Variants in TMEM232 observed in about 807,000 individuals in gnomAD.
The protein encoded by TMEM232 is transmembrane protein 232.
A neutral mutation model predicts 78.8 loss-of-function variants in TMEM232; 80 were observed. The observed-to-expected ratio is 1.01, with a 90% confidence interval of 0.85 to 1.22. TMEM232 has a LOEUF of 1.22. Ranked by LOEUF, TMEM232 falls within the 50% of genes most tolerant of loss-of-function variation. The probability of loss-of-function intolerance (pLI) is 0.00; values close to 1 mark genes in which losing one functional copy is unlikely to be tolerated. For synonymous variants in TMEM232, 297 were observed against 254.3 expected, an observed-to-expected ratio of 1.17 and a Z score of -1.60; for missense variants, 881 against 742.2, an observed-to-expected ratio of 1.19 and a Z score of -2.17.
intron 12 of TMEM232, among the ~76,000 whole-genome samples, chr5:110,516,486 G>A (rs573745493): frequency 1.3e-5 from 2 of 152,114 alleles, no homozygotes; most frequent in East Asian, 1.9e-4. Context: ...ACTTGAGATC[G>A]TTTTACTGAC....
Position 110,696,753 on chromosome 5 carries a change from G to A in TMEM232, c.-12-29389C>T, listed in dbSNP as rs1424758544. On this transcript the variant is annotated intron_variant, in intron 1 of 13. Transcript: ENST00000455884. The stretch of plus-strand genomic sequence containing the variant: ...AATCCAACTTATAAGGGATGGGAAG[G>A]ACCTCTTCAAGGAGAACTACAAACC... 2.7e-5 allele frequency among the ~76,000 whole-genome samples: 4 copies of A among 150,794 alleles called. No homozygotes were observed. The Admixed American group carries it at 2.7e-4, about 10-fold the overall frequency.
intron 1 of TMEM232, among the ~76,000 whole-genome samples, chr5:110,713,124 G>T (rs748211933): frequency 8.6e-5 from 13 of 151,332 alleles, no homozygotes; most frequent in Non-Finnish European, 1.3e-4. Flanking sequence ...TAGTCATTAT[G>T]TTAAGAGAAA....
intron 1 of TMEM232, among the ~76,000 whole-genome samples, chr5:110,676,138 T>C (rs1791995190): frequency 6.6e-6 from 1 of 152,252 alleles, no homozygotes; most frequent in Non-Finnish European, 1.5e-5. Flanking sequence ...TCATTAGGTA[T>C]ATATACTACA....
intron 11 of TMEM232, among the ~76,000 whole-genome samples, chr5:110,542,061 A>G (rs923467012): frequency 6.6e-6 from 1 of 152,154 alleles, no homozygotes; most frequent in African/African-American, 2.4e-5. Context: ...TTCAAGGATC[A>G]TGTCTGCGAT....
intron 12 of TMEM232, among the ~76,000 whole-genome samples, chr5:110,462,713 C>G (rs1235340942): frequency 6.6e-6 from 1 of 152,080 alleles, no homozygotes; most frequent in Non-Finnish European, 1.5e-5. Flanking sequence ...TAATATGAGT[C>G]AATACTCCTG....
chr5:110,526,477 T>A (rs1425310619), intron 12 of TMEM232, among the ~76,000 whole-genome samples: 2 of 151,752 alleles, frequency 1.3e-5, no homozygotes, highest in East Asian at 3.9e-4. Context: ...CTTAAGAAAA[T>A]TAAAATGCTA....
chr5:110,623,178 A>T (rs1198257932), intron 7 of TMEM232, among the ~76,000 whole-genome samples: 1 of 150,298 alleles, frequency 6.7e-6, no homozygotes, highest in Non-Finnish European at 1.5e-5. Flanking sequence ...AAAAAGAGAA[A>T]TGGGGTCCAA....
chr5:110,648,179 T>G (rs1787780376), intron 2 of TMEM232, among the ~76,000 whole-genome samples: 2 of 152,046 alleles, frequency 1.3e-5, no homozygotes, highest in African/African-American at 4.8e-5. Flanking sequence ...ATAGGGAAAT[T>G]CAAATTAAAA....
intron 12 of TMEM232, among the ~76,000 whole-genome samples, chr5:110,463,949 C>T (rs183721360): frequency 1.3e-5 from 2 of 152,308 alleles, no homozygotes; most frequent in Non-Finnish European, 2.9e-5. Flanking sequence ...GCCTTTGTGC[C>T]TCCTATTTGA....
chr5:110,390,046 C>T (rs1755124300), intron 4 of TMEM232, among the ~76,000 whole-genome samples: 1 of 152,144 alleles, frequency 6.6e-6, no homozygotes, highest in South Asian at 2.1e-4. Context: ...CAGAATTTTA[C>T]CTCCTGACTT....
chr5:110,581,559 A>C (rs1180301356), intron 10 of TMEM232, among the ~76,000 whole-genome samples: 1 of 151,990 alleles, frequency 6.6e-6, no homozygotes, highest in African/African-American at 2.4e-5. Context: ...CAAACTATAA[A>C]AATCCTAGAA....
Position 110,419,837 on chromosome 5 carries a change from G to A in TMEM232, c.*743C>T, listed in dbSNP as rs1419977253. ...CTCCACCCTATTACTCTTACTCATA[G>A]GTTCAGAACTTCAGATGAAGTGAAG... On this transcript the variant is annotated 3_prime_UTR_variant, in exon 14 of 14. Coordinates refer to ENST00000455884, the MANE Select transcript of TMEM232 (RefSeq NM_001039763.4). 6.6e-6 allele frequency among the ~76,000 whole-genome samples: 1 copy of A among 152,096 alleles called. No individual in the cohort carries two copies. Among genetic ancestry groups the A allele is most frequent in the East Asian group, 1.9e-4 (1 of 5,186 alleles).
intron 12 of TMEM232, among the ~76,000 whole-genome samples, chr5:110,504,266 T>C (rs1318940044): frequency 6.6e-6 from 1 of 152,190 alleles, no homozygotes; most frequent in African/African-American, 2.4e-5. Flanking sequence ...AGGAAAAACA[T>C]AAATATAGAG....
At chr5:110,475,445 ATTT>A (rs61667699) in intron 12 of TMEM232, among the ~76,000 whole-genome samples, 15 of 110,134 alleles carry the variant, frequency 1.4e-4, no homozygotes, top group East Asian at 1.2e-3. Context: ...TTATACTTTG[ATTT>A]TTTTTTTTTT....
At chr5:110,589,165 T>C (rs993903487) in intron 10 of TMEM232, among the ~76,000 whole-genome samples, 1 of 152,114 alleles carries the variant, frequency 6.6e-6, no homozygotes, top group African/African-American at 2.4e-5. Context: ...TCTGGATGCA[T>C]ACGGGTCTGT....
chr5:110,535,066 C>T (rs1772123464), intron 11 of TMEM232, among the ~76,000 whole-genome samples: 1 of 152,012 alleles, frequency 6.6e-6, no homozygotes, highest in Admixed American at 6.6e-5. Flanking sequence ...TTTTACTGTC[C>T]CAACACTTTA....
intron 10 of TMEM232, among the ~76,000 whole-genome samples, chr5:110,588,752 T>C (rs1581331257): frequency 6.6e-6 from 1 of 152,174 alleles, no homozygotes; most frequent in Admixed American, 6.6e-5. Context: ...CTGGGAGTCC[T>C]ACCTCTCTGT....
chr5:110,652,294 G>GCGCGCGCGCACACACA (rs1554069154), intron 2 of TMEM232, among the ~76,000 whole-genome samples: 34 of 145,356 alleles, frequency 2.3e-4, no homozygotes, highest in African/African-American at 8.8e-4. Context: ...GCACGCGCGC[G>GCGCGCGCGCACACACA]CACACACACA....
intron 10 of TMEM232, among the ~76,000 whole-genome samples, chr5:110,579,478 G>A (rs1309611124): frequency 6.6e-6 from 1 of 151,668 alleles, no homozygotes; most frequent in African/African-American, 2.4e-5. Context: ...ACAATGGTAA[G>A]TAAATCAATT....
Sources: gnomAD v4.1 joint callset for allele counts (sites outside exome capture counted in the v4.1 genomes callset) on GRCh38, gnomAD v4.1.1 for gene constraint, MANE v1.5 for transcripts, NCBI Gene and HGNC (gene_info 2026-07-23, HGNC 2026-07-21) for gene names.